Variants in NRG2 observed in about 807,000 individuals in gnomAD.
NRG2 encodes neuregulin 2, also known as pro-neuregulin-2, membrane-bound isoform.
Under a neutral mutation model 73.9 loss-of-function variants are expected in NRG2, and 27 were observed. The observed-to-expected ratio is 0.37, with a 90% CI of 0.27 to 0.50. The LOEUF (loss-of-function observed/expected upper bound fraction) is 0.50. Ranked by LOEUF, NRG2 falls within the 20% of genes least tolerant of loss-of-function variation. The pLI is 0.96. For missense variants in NRG2, 1,126 were observed against 1,210.1 expected (o/e 0.93, Z 1.03); for synonymous variants, 532 against 541.0 (o/e 0.98, Z 0.23).
Position 139,848,357 on chromosome 5 carries a change from A to AGGGGCTGGCAGGCAGGCTGCC in NRG2, c.2092_2112dup (p.Gly698_Pro704dup), listed in dbSNP as rs1426486176. The AGGGGCTGGCAGGCAGGCTGCC allele has an allele frequency of 1.1e-4, 130 of 1,221,638 alleles. No homozygotes were observed. The highest frequency in any genetic ancestry group is 1.2e-4 in the Non-Finnish European group (117 of 984,538). 75.7% of individuals were successfully genotyped at this position (1,221,638 alleles called of 1,614,324 possible). ...TACTCGTCGTCCTCGGGGATGCGGA[A>AGGGGCTGGCAGGCAGGCTGCC]GGGGCTGGCAGGCAGGCTGCCCAGG... On this transcript the variant is annotated inframe_insertion, in exon 10 of 10. Coordinates refer to ENST00000361474, the MANE Select transcript of NRG2 (RefSeq NM_004883.3).
chr5:139,938,873 AG>A (rs1205912734), intron 1 of NRG2, among the ~76,000 whole-genome samples: 41 of 108,110 alleles, frequency 3.8e-4, no homozygotes, highest in African/African-American at 1.5e-3. Context: ...AGAGAGAGAG[AG>A]AGAGAGAAGG....
chr5:139,897,822 G>A (rs1028494380), intron 1 of NRG2, among the ~76,000 whole-genome samples: 3 of 152,166 alleles, frequency 2.0e-5, no homozygotes, highest in Non-Finnish European at 4.4e-5. Context: ...CCCTAGAATG[G>A]CAGAGCAGAT....
intron 1 of NRG2, among the ~76,000 whole-genome samples, chr5:139,946,871 CA>C (rs1330584119): frequency 6.6e-6 from 1 of 151,780 alleles, no homozygotes; most frequent in Non-Finnish European, 1.5e-5. Context: ...GGTATGAATA[CA>C]TATTTCTCCA....
chr5:139,995,255 C>T (rs150240860), intron 1 of NRG2, among the ~76,000 whole-genome samples: 17 of 152,304 alleles, frequency 1.1e-4, no homozygotes, highest in African/African-American at 1.9e-4. Flanking sequence ...CCCCCCATCA[C>T]TAACGCAAGA....
chr5:139,875,000 G>A (rs942460280), intron 3 of NRG2, among the ~76,000 whole-genome samples: 2 of 152,158 alleles, frequency 1.3e-5, no homozygotes, highest in African/African-American at 4.8e-5. Flanking sequence ...ACATGACTAA[G>A]TGTGCAACTG....
chr5:139,860,941 T>C (rs916765762), intron 5 of NRG2, among the ~76,000 whole-genome samples: 1 of 152,110 alleles, frequency 6.6e-6, no homozygotes, highest in African/African-American at 2.4e-5. Flanking sequence ...CTGGCTGAGC[T>C]TCTGAATTGT....
At chr5:139,988,199 T>C (rs1757321383) in intron 1 of NRG2, among the ~76,000 whole-genome samples, 1 of 152,026 alleles carries the variant, frequency 6.6e-6, no homozygotes. Flanking sequence ...TCATTGCTGG[T>C]GGGAATGCAA....
intron 1 of NRG2, among the ~76,000 whole-genome samples, chr5:140,028,565 C>T (rs1337695041): frequency 1.3e-5 from 2 of 152,036 alleles, no homozygotes; most frequent in Admixed American, 1.3e-4. Flanking sequence ...CTGATTGAGA[C>T]GATGAGACCC....
chr5:139,961,570 C>T (rs1306189435), intron 1 of NRG2, among the ~76,000 whole-genome samples: 2 of 152,230 alleles, frequency 1.3e-5, no homozygotes, highest in Non-Finnish European at 2.9e-5. Flanking sequence ...CAGCATGGGG[C>T]TGGACTCCTT....
chr5:139,941,202 G>T (rs1484310317), intron 1 of NRG2, among the ~76,000 whole-genome samples: 1 of 152,086 alleles, frequency 6.6e-6, no homozygotes, highest in South Asian at 2.1e-4. Context: ...TAAGAGCCAG[G>T]TATTAAAGAT....
Position 139,848,507 on chromosome 5 carries a change from C to A in NRG2, c.1963G>T (p.Gly655Cys). ...CCGGGCCCGGGTCCGGGTCCCGGGC[C>A]GGGGGGCGCCGGGTGCCGCAGTAAC... ...QPLLRHPAPPGPGPGPGPGPG... is the reference protein window; with the variant it reads ...QPLLRHPAPPCPGPGPGPGPG... Residue 655 changes from glycine (G) to cysteine (C), a missense_variant, in exon 10 of 10, where the codon GGC (glycine) becomes TGC (cysteine). Physicochemically the swap from Gly to Cys is radical, Grantham distance 159 (BLOSUM62 -3). Around this residue, in one of 3 missense-constraint regions of NRG2, gnomAD observed 402 missense variants for 357.8 expected, o/e 1.12. Coordinates refer to ENST00000361474, the MANE Select transcript of NRG2 (RefSeq NM_004883.3). 7.3e-7 allele frequency: 1 copy of A among 1,377,514 alleles called. No homozygotes were observed. The highest frequency in any genetic ancestry group is 9.3e-7 in the Non-Finnish European group (1 of 1,078,394). The allele number at this position is 1,377,514 out of a possible 1,614,324, so 85.3% of individuals were successfully genotyped here. A position where few individuals can be genotyped will look rare whatever the true frequency, so the allele number is the denominator to read the frequency against.
intron 3 of NRG2, among the ~76,000 whole-genome samples, chr5:139,874,464 C>T (rs574761697): frequency 2.8e-4 from 42 of 152,288 alleles, no homozygotes; most frequent in Admixed American, 2.6e-3. Flanking sequence ...CTTTATTCCC[C>T]TATAGCCATC....
At position 139,848,038 on chromosome 5, in the gene NRG2, G is replaced by C; in HGVS notation, c.2432C>G (p.Pro811Arg). The C allele has an allele frequency of 6.6e-7, 1 of 1,508,632 alleles. No homozygotes were observed. Among genetic ancestry groups the C allele is most frequent in the Non-Finnish European group, 8.8e-7 (1 of 1,134,200 alleles). The allele number at this position is 1,508,632 out of a possible 1,614,324, so 93.5% of individuals were successfully genotyped here. The change falls in exon 10 of 10, where the codon CCA (proline) becomes CGA (arginine). Residue 811 changes from proline to arginine, a missense_variant. Coordinates refer to ENST00000361474, the MANE Select transcript of NRG2 (RefSeq NM_004883.3). Reference sequence around the variant, plus strand: ...CCTGCTGTCGGCCGCCGGGCACAGTGGCGGCGAGTCCGAGCGCAGCGCGTC... The same window carrying C: ...CCTGCTGTCGGCCGCCGGGCACAGTCGCGGCGAGTCCGAGCGCAGCGCGTC... Reference protein sequence around the residue: ...AHDALRSDSPPLCPAADSRTY... With the variant: ...AHDALRSDSPRLCPAADSRTY...
chr5:139,959,878 C>T (rs1270236570), intron 1 of NRG2, among the ~76,000 whole-genome samples: 1 of 152,222 alleles, frequency 6.6e-6, no homozygotes, highest in Non-Finnish European at 1.5e-5. Flanking sequence ...CTGTGCTAGC[C>T]ACTACCAAGT....
At chr5:140,003,714 A>G (rs1318836935) in intron 1 of NRG2, among the ~76,000 whole-genome samples, 1 of 152,186 alleles carries the variant, frequency 6.6e-6, no homozygotes, top group Non-Finnish European at 1.5e-5. Flanking sequence ...TTTTTTCAGC[A>G]CTGTGGTTAA....
rs2127128412 is a variant in NRG2 at position 139,887,274 on chromosome 5, G to A, written c.872+66C>T. Reference sequence around the variant, plus strand: ...ACAGCCCTGGCCTCTGCCCAGTTCAGGCCACTCCTTCTCGAGAGGAGGGAG... The same window carrying A: ...ACAGCCCTGGCCTCTGCCCAGTTCAAGCCACTCCTTCTCGAGAGGAGGGAG... On this transcript the variant is annotated intron_variant, in intron 2 of 9. Coordinates refer to ENST00000361474, the MANE Select transcript of NRG2 (RefSeq NM_004883.3). The surrounding 1 kb of genome is among the most constrained non-coding windows in gnomAD (Gnocchi z 4.5). The A allele has an allele frequency of 5.1e-6, 8 of 1,574,856 alleles. No individual in the cohort carries two copies. The highest frequency in any genetic ancestry group is 2.2e-5 in the East Asian group (1 of 44,714).
chr5:139,918,110 C>A (rs953200813), intron 1 of NRG2, among the ~76,000 whole-genome samples: 1 of 152,100 alleles, frequency 6.6e-6, no homozygotes, highest in Non-Finnish European at 1.5e-5. Flanking sequence ...ATTCCATTGT[C>A]CCAGCACAAT....
rs550633657 is a variant in NRG2 at position 139,874,221 on chromosome 5, C to G, written c.992-2380G>C. Reference sequence around the variant, plus strand: ...TCCTGAGGCAACGTGTCTATACACCCCTGTCAGCGTATCCATATCTCTCAC... The same window carrying G: ...TCCTGAGGCAACGTGTCTATACACCGCTGTCAGCGTATCCATATCTCTCAC... On this transcript the variant is annotated intron_variant, in intron 3 of 9. Transcript: ENST00000361474. Among the ~76,000 whole-genome samples, 207 of 152,322 alleles carry G rather than the reference C, an allele frequency of 1.4e-3. 1 individual carries two copies. The highest frequency in any genetic ancestry group is 4.9e-3 in the African/African-American group (202 of 41,564).
At chr5:139,974,802 C>T (rs1399429442) in intron 1 of NRG2, among the ~76,000 whole-genome samples, 1 of 152,214 alleles carries the variant, frequency 6.6e-6, no homozygotes, top group Non-Finnish European at 1.5e-5. Flanking sequence ...TGCAACGTGG[C>T]ACATGCCTAT....
Sources: allele counts gnomAD v4.1 joint callset (sites outside exome capture counted in the v4.1 genomes callset), GRCh38; gene constraint gnomAD v4.1.1; regional missense constraint gnomAD v4.1.1; non-coding constraint Gnocchi (gnomAD v3.1); transcripts MANE v1.5; gene names NCBI Gene and HGNC (gene_info 2026-07-23, HGNC 2026-07-21).